PCDHGA3: variants seen among roughly 807,000 people sequenced by gnomAD.
PCDHGA3 encodes protocadherin gamma-A3.
A neutral mutation model predicts 58.5 loss-of-function variants in PCDHGA3; 40 were observed. That is an observed-to-expected ratio of 0.68 (90% CI 0.53 to 0.89). PCDHGA3 has a LOEUF of 0.89. Among genes scored for constraint, PCDHGA3 ranks in the 40% least tolerant of loss-of-function variants. The pLI is 0.00. For synonymous variants in PCDHGA3, 530 were observed against 525.7 expected, an observed-to-expected ratio of 1.01 and a Z score of -0.11; for missense variants, 1,223 against 1,195.9, an observed-to-expected ratio of 1.02 and a Z score of -0.33.
intron 1 of PCDHGA3, chr5:141,419,935 G>T: frequency 6.2e-7 from 1 of 1,614,070 alleles, no homozygotes; most frequent in Non-Finnish European, 8.5e-7. Flanking sequence ...AGTTTTACCT[G>T]GTGGTGGCCT....
At chr5:141,382,318 T>C (rs1233432296) in intron 1 of PCDHGA3, among the ~76,000 whole-genome samples, 2 of 152,250 alleles carry the variant, frequency 1.3e-5, no homozygotes, top group Non-Finnish European at 2.9e-5. Context: ...TACACTGATG[T>C]AAATATTTTC....
chr5:141,359,347 A>G (rs1267627880), intron 1 of PCDHGA3, among the ~76,000 whole-genome samples: 1 of 152,148 alleles, frequency 6.6e-6, no homozygotes, highest in African/African-American at 2.4e-5. Flanking sequence ...AGAGTGCCAC[A>G]TGTTTTAAAG....
intron 1 of PCDHGA3, chr5:141,361,840 C>A (rs138456654): frequency 0.025 from 40,619 of 1,612,726 alleles, 619 homozygotes; most frequent in African/African-American, 0.058. Flanking sequence ...CGCGCTGGGG[C>A]CTGATGGCTC....
At chr5:141,481,240 T>G (rs1323124277) in intron 1 of PCDHGA3, among the ~76,000 whole-genome samples, 1 of 152,208 alleles carries the variant, frequency 6.6e-6, no homozygotes, top group Non-Finnish European at 1.5e-5. Flanking sequence ...AAGTATTACA[T>G]AGCATAGCTC....
At chr5:141,421,222 C>T in intron 1 of PCDHGA3, 1 of 1,576,946 alleles carries the variant, frequency 6.3e-7, no homozygotes, top group Non-Finnish European at 8.6e-7. Flanking sequence ...CGGCTTAGAG[C>T]CTGCCATGGC....
intron 1 of PCDHGA3, chr5:141,377,300 T>A (rs929187277): frequency 3.3e-5 from 5 of 152,140 alleles, no homozygotes; most frequent in Admixed American, 2.6e-4. Flanking sequence ...TTTAGGTCAG[T>A]GTTAAAGATC....
rs1160156030 is a variant in PCDHGA3 at position 141,477,238 on chromosome 5, C to T, written c.2425-17569C>T. 20 of 1,614,094 alleles carry T rather than the reference C, an allele frequency of 1.2e-5. No individual in the cohort carries two copies. The highest frequency in any genetic ancestry group is 5.0e-5 in the Admixed American group (3 of 60,006). The stretch of plus-strand genomic sequence containing the variant: ...CTCTGGGGACTGTCATCGCTTTGCT[C>T]AGTGTGACTGACCTGGATGCTGGCG... On this transcript the variant is annotated intron_variant, in intron 1 of 3. Transcript: ENST00000253812. This position sits in a 1 kb window ranked among gnomAD's most constrained non-coding sequence, Gnocchi z 4.9.
At chr5:141,368,710 A>G (rs1008956527) in intron 1 of PCDHGA3, among the ~76,000 whole-genome samples, 1 of 152,160 alleles carries the variant, frequency 6.6e-6, no homozygotes, top group African/African-American at 2.4e-5. Flanking sequence ...TGATCCATAC[A>G]TTTTGAATGT....
chr5:141,393,682 C>T (rs756181553), intron 1 of PCDHGA3: 18 of 1,613,870 alleles, frequency 1.1e-5, no homozygotes, highest in Non-Finnish European at 1.3e-5. Context: ...AAACAAACTC[C>T]GTTATTCCAG....
chr5:141,408,556 T>C (rs1215804867), intron 1 of PCDHGA3: 3 of 1,613,940 alleles, frequency 1.9e-6, no homozygotes, highest in Non-Finnish European at 2.5e-6. Context: ...ATATTTTTCA[T>C]GTCATTGTGG....
intron 1 of PCDHGA3, chr5:141,410,044 C>G: frequency 6.2e-7 from 1 of 1,613,184 alleles, no homozygotes; most frequent in Non-Finnish European, 8.5e-7. Flanking sequence ...CCAGTGAGCC[C>G]GGACTCTTCA....
intron 1 of PCDHGA3, chr5:141,385,162 C>T (rs750299709): frequency 6.2e-7 from 1 of 1,614,118 alleles, no homozygotes; most frequent in African/African-American, 1.3e-5. Context: ...GACCTATTCC[C>T]ATGAGGTCTC....
In PCDHGA3 at chr5:141,431,155, C is replaced by T; in HGVS notation, c.2425-63652C>T. On this transcript the variant is annotated intron_variant, in intron 1 of 3. Transcript: ENST00000253812. This position sits in a 1 kb window ranked among gnomAD's most constrained non-coding sequence, Gnocchi z 4.8. ...GGGACATTAACGACAATGCGCCTTA[C>T]TTTCGTGAAAGTGAATTAGAAATAA... is the stretch of plus-strand genomic sequence containing the variant. 6.2e-7 allele frequency: 1 copy of T among 1,614,212 alleles called. No homozygotes were observed. Among genetic ancestry groups the T allele is most frequent in the Non-Finnish European group, 8.5e-7 (1 of 1,180,032 alleles).
intron 1 of PCDHGA3, chr5:141,350,307 T>C: frequency 2.0e-6 from 3 of 1,522,122 alleles, no homozygotes; most frequent in Non-Finnish European, 2.6e-6. Context: ...CAGGTACTGT[T>C]TCCCTTCCTG....
chr5:141,426,523 G>A (rs1018320941), intron 1 of PCDHGA3: 14 of 342,474 alleles, frequency 4.1e-5, no homozygotes, highest in African/African-American at 3.0e-4. Flanking sequence ...CGTGAACACG[G>A]AGAATGGGAA....
At position 141,344,375 on chromosome 5, in the gene PCDHGA3, G is replaced by A. The variant is rs1397752889; in HGVS notation, c.342G>A (p.Leu114=). Residue 114 remains leucine, a synonymous_variant, in exon 1 of 4, where the codon TTG becomes TTA. Transcript: ENST00000253812. ...VKINILVEDK[L]KIFEVEIEIK... ...TTAACATTCTGGTTGAGGATAAATT[G>A]AAAATTTTTGAAGTAGAAATAGAAA... 5 of 1,613,162 alleles carry A rather than the reference G, an allele frequency of 3.1e-6. No homozygotes were observed. The highest frequency in any genetic ancestry group is 4.2e-6 in the Non-Finnish European group (5 of 1,179,594).
intron 1 of PCDHGA3, among the ~76,000 whole-genome samples, chr5:141,474,130 C>G (rs28684928): frequency 6.6e-6 from 1 of 152,160 alleles, no homozygotes; most frequent in Non-Finnish European, 1.5e-5. Context: ...TCTCAGAAAA[C>G]TACAGGCCTT....
chr5:141,344,122 A>C lies in PCDHGA3; in HGVS notation c.89A>C (p.Gln30Pro), dbSNP rs1341800745. 1 of 1,613,922 alleles carries C rather than the reference A, an allele frequency of 6.2e-7. No homozygotes were observed. The highest frequency in any genetic ancestry group is 1.3e-5 in the African/African-American group (1 of 74,944). The change falls in exon 1 of 4, where the codon CAG becomes CCG. Residue 30 changes from glutamine to proline, a missense_variant. Physicochemically the swap from Gln to Pro is moderately conservative, Grantham distance 76. Transcript: ENST00000253812. ...LGTLCETGSG[Q>P]IRYSVSEELD... is the part of the protein sequence containing the mutation. The stretch of plus-strand genomic sequence containing the variant: ...ACGCTGTGCGAAACAGGATCCGGTC[A>C]GATCCGCTACTCGGTGTCTGAGGAG...
In PCDHGA3 at chr5:141,432,845, G is replaced by A. The variant is rs1299464282; in HGVS notation, c.2425-61962G>A. The A allele has an allele frequency of 1.2e-6, 2 of 1,614,076 alleles. No individual in the cohort carries two copies. The highest frequency in any genetic ancestry group is 8.5e-7 in the Non-Finnish European group (1 of 1,180,024). ...AGACCTCACTCTGTACCTGGTGGTA[G>A]CGGTGGCCGCGGTCTCCTGCGTCTT... On this transcript the variant is annotated intron_variant, in intron 1 of 3. Coordinates refer to ENST00000253812, the MANE Select transcript of PCDHGA3 (RefSeq NM_018916.4). This position sits in a 1 kb window ranked among gnomAD's most constrained non-coding sequence, Gnocchi z 6.0.
Sources: allele counts gnomAD v4.1 joint callset (sites outside exome capture counted in the v4.1 genomes callset), GRCh38; gene constraint gnomAD v4.1.1; non-coding constraint Gnocchi (gnomAD v3.1); transcripts MANE v1.5; gene names NCBI Gene and HGNC (gene_info 2026-07-23, HGNC 2026-07-21).